OPHN1: variants seen among roughly 807,000 people sequenced by gnomAD.
The protein encoded by OPHN1 is oligophrenin-1.
OPHN1 carries 11 observed loss-of-function variants against 60.7 expected under a neutral mutation model. The ratio of observed to expected loss-of-function variants is 0.18; its 90% CI spans 0.11 to 0.30. The LOEUF is 0.30. OPHN1 is among the 10% of genes least tolerant of loss of function. The pLI, the probability that OPHN1 is intolerant of heterozygous loss-of-function variation, is 1.00. For missense variants in OPHN1, 449 were observed against 611.0 expected, an observed-to-expected ratio of 0.73 and a Z score of 2.80; for synonymous variants, 226 against 222.6, an observed-to-expected ratio of 1.02 and a Z score of -0.14.
chrX:68,218,183 T>C (rs2077627411), intron 6 of OPHN1, among the ~76,000 whole-genome samples: 1 of 98,725 alleles, frequency 1.0e-5, no homozygotes, highest in African/African-American at 3.6e-5. Context: ...GTATCAGCGA[T>C]GGAAGATGAA....
At chrX:68,278,082 T>C (rs1162433205) in intron 4 of OPHN1, among the ~76,000 whole-genome samples, 1 of 111,946 alleles carries the variant, frequency 8.9e-6, no homozygotes, top group East Asian at 2.8e-4. Context: ...TAGTCCATGC[T>C]TTACTAGAAT....
intron 15 of OPHN1, among the ~76,000 whole-genome samples, chrX:68,156,325 C>A (rs2077309413): frequency 1.0e-5 from 1 of 97,929 alleles, no homozygotes; most frequent in Non-Finnish European, 2.1e-5. Flanking sequence ...AAACACATCT[C>A]AGATTCTGGG....
intron 3 of OPHN1, among the ~76,000 whole-genome samples, chrX:68,296,681 C>G: frequency 9.5e-6 from 1 of 104,831 alleles, no homozygotes; most frequent in African/African-American, 3.5e-5. Context: ...AAGCAAAAGA[C>G]TGGGTGTGGT....
intron 15 of OPHN1, among the ~76,000 whole-genome samples, chrX:68,156,877 T>C: frequency 8.9e-6 from 1 of 111,783 alleles, no homozygotes; most frequent in Non-Finnish European, 1.9e-5. Flanking sequence ...AATTGAACTC[T>C]TGTTTATTGA....
At chrX:68,352,497 G>T (rs1241146742) in intron 2 of OPHN1, among the ~76,000 whole-genome samples, 1 of 110,938 alleles carries the variant, frequency 9.0e-6, no homozygotes, top group Non-Finnish European at 1.9e-5. Context: ...TCACCTTAAT[G>T]TAAAGAAATA....
chrX:68,049,488 C>T (rs1019272504), intron 23 of OPHN1, among the ~76,000 whole-genome samples: 6 of 111,657 alleles, frequency 5.4e-5, no homozygotes, highest in Non-Finnish European at 1.1e-4. Context: ...TCAAATCTGT[C>T]CCTTCTGTTC....
At chrX:68,252,560 T>G (rs1334758764) in intron 5 of OPHN1, among the ~76,000 whole-genome samples, 2 of 111,976 alleles carry the variant, frequency 1.8e-5, no homozygotes, top group Non-Finnish European at 3.8e-5. Context: ...CAGTAGGGAC[T>G]GCATCATAGA....
chrX:68,338,948 C>G (rs966297030), intron 2 of OPHN1, among the ~76,000 whole-genome samples: 3 of 107,792 alleles, frequency 2.8e-5, no homozygotes, highest in Non-Finnish European at 3.8e-5. Flanking sequence ...CATGGTGGCA[C>G]AAGCTTGTAG....
chrX:68,382,251 G>A (rs1246461212), intron 2 of OPHN1, among the ~76,000 whole-genome samples: 1 of 110,967 alleles, frequency 9.0e-6, no homozygotes, highest in Non-Finnish European at 1.9e-5. Flanking sequence ...GGAGGCTGAG[G>A]CAGGAAAATC....
intron 2 of OPHN1, among the ~76,000 whole-genome samples, chrX:68,359,855 C>CAA (rs1186524030): frequency 0.033 from 627 of 19,156 alleles, 83 homozygotes; most frequent in African/African-American, 0.073. Flanking sequence ...GACTCCGTCT[C>CAA]AAAAAAAAAA....
At chrX:68,217,717 T>A (rs1416903237) in intron 6 of OPHN1, among the ~76,000 whole-genome samples, 1 of 108,707 alleles carries the variant, frequency 9.2e-6, no homozygotes, top group Admixed American at 9.9e-5. Context: ...CAGCTGAGGG[T>A]CCTCTCTGTT....
At chrX:68,362,785 T>C (rs898456939) in intron 2 of OPHN1, among the ~76,000 whole-genome samples, 1 of 111,409 alleles carries the variant, frequency 9.0e-6, no homozygotes, top group Non-Finnish European at 1.9e-5. Context: ...TAATGTAAAC[T>C]ATGGACTTTA....
intron 2 of OPHN1, among the ~76,000 whole-genome samples, chrX:68,351,619 C>A (rs1158635536): frequency 8.9e-6 from 1 of 111,894 alleles, no homozygotes; most frequent in Non-Finnish European, 1.9e-5. Context: ...GTGGTTGCTT[C>A]ATCTCTCCAT....
At chrX:68,284,321 T>TCTC (rs1774873758) in intron 3 of OPHN1, among the ~76,000 whole-genome samples, 1 of 110,138 alleles carries the variant, frequency 9.1e-6, no homozygotes, top group African/African-American at 3.3e-5. Context: ...AGTTTGGGTA[T>TCTC]CTATCTCCTC....
At chrX:68,087,280 G>C (rs1278553647) in intron 19 of OPHN1, among the ~76,000 whole-genome samples, 1 of 112,209 alleles carries the variant, frequency 8.9e-6, no homozygotes, top group Non-Finnish European at 1.9e-5. Flanking sequence ...AATATCCGAG[G>C]AATATTATTT....
At chrX:68,244,180 T>C (rs2077794716) in intron 5 of OPHN1, among the ~76,000 whole-genome samples, 1 of 111,670 alleles carries the variant, frequency 9.0e-6, no homozygotes, top group African/African-American at 3.3e-5. Flanking sequence ...GCGCTTGCCA[T>C]GACTAGAACA....
At chrX:68,400,597 T>C (rs2078708888) in intron 2 of OPHN1, among the ~76,000 whole-genome samples, 1 of 103,421 alleles carries the variant, frequency 9.7e-6, no homozygotes, top group East Asian at 3.1e-4. Flanking sequence ...TTTTTTTTCT[T>C]TTTTCTTTTT....
At chrX:68,145,334 G>A (rs2077259329) in intron 15 of OPHN1, among the ~76,000 whole-genome samples, 2 of 111,125 alleles carry the variant, frequency 1.8e-5, no homozygotes. Flanking sequence ...CAAATATATG[G>A]GTAGTAGATT....
intron 3 of OPHN1, among the ~76,000 whole-genome samples, chrX:68,292,720 C>G (rs757554036): frequency 1.8e-5 from 2 of 111,321 alleles, no homozygotes; most frequent in African/African-American, 6.5e-5. Flanking sequence ...GACTTCGAGT[C>G]ATGGAGAACT....
Sources: gnomAD v4.1 joint callset for allele counts (sites outside exome capture counted in the v4.1 genomes callset) on GRCh38, gnomAD v4.1.1 for gene constraint, MANE v1.5 for transcripts, NCBI Gene and HGNC (gene_info 2026-07-23, HGNC 2026-07-21) for gene names.